MCF2L: variants seen among roughly 807,000 people sequenced by gnomAD.
MCF2L encodes MCF.2 cell line derived transforming sequence like, also known as guanine nucleotide exchange factor DBS.
In MCF2L, 97 loss-of-function variants were observed where a neutral mutation model predicts 153.4. That is an observed-to-expected ratio of 0.63 (90% CI 0.54 to 0.75). The LOEUF is 0.75. MCF2L is among the 30% of genes least tolerant of loss of function. The probability of loss-of-function intolerance (pLI) is 0.00; values close to 1 mark genes in which losing one functional copy is unlikely to be tolerated. For missense variants in MCF2L, 1,347 were observed against 1,495.2 expected (o/e 0.90, Z 1.64); for synonymous variants, 659 against 632.2 (o/e 1.04, Z -0.64).
Position 112,935,960 on chromosome 13 carries a change from C to G in MCF2L, c.169+33589C>G, listed in dbSNP as rs116999411. Reference sequence around the variant, plus strand: ...GCAGAAGCTGGGAGAGGCCTGGAACCGATCCTTCCCTCGCAGCCTCAGAAG... The same window carrying G: ...GCAGAAGCTGGGAGAGGCCTGGAACGGATCCTTCCCTCGCAGCCTCAGAAG... On this transcript the variant is annotated intron_variant, in intron 2 of 29. Transcript: ENST00000375608. 3.0e-4 allele frequency among the ~76,000 whole-genome samples: 45 copies of G among 152,246 alleles called. No individual in the cohort carries two copies. The East Asian group carries it at 8.7e-3, about 29-fold the overall frequency.
At chr13:112,946,976 C>T (rs562623091) in intron 2 of MCF2L, among the ~76,000 whole-genome samples, 17 of 152,288 alleles carry the variant, frequency 1.1e-4, no homozygotes, top group Middle Eastern at 3.4e-3. Context: ...TTCTTTTGGT[C>T]TCGTGCGTCC....
rs75183371 is a variant in MCF2L at position 112,896,203 on chromosome 13, C to T, written c.-5+1772C>T. 4.1e-4 allele frequency among the ~76,000 whole-genome samples: 62 copies of T among 152,306 alleles called. 2 individuals are homozygous for T. In the East Asian group the frequency reaches 0.01, roughly 26 times the overall value. Reference sequence around the variant, plus strand: ...ATCATCCTCACCAAGGTGATGGATTCGCTGCAAGATGAAAGGTCTGTGTGC... The same window carrying T: ...ATCATCCTCACCAAGGTGATGGATTTGCTGCAAGATGAAAGGTCTGTGTGC... On this transcript the variant is annotated intron_variant, in intron 1 of 29. Transcript: ENST00000375608.
At chr13:112,995,057 G>T (rs1330906804) in intron 1 of MCF2L, among the ~76,000 whole-genome samples, 1 of 152,194 alleles carries the variant, frequency 6.6e-6, no homozygotes, top group East Asian at 1.9e-4. Context: ...ACACGGTGTC[G>T]CATCCTCTGA....
At chr13:112,926,942 T>C (rs2081413702) in intron 2 of MCF2L, among the ~76,000 whole-genome samples, 1 of 152,246 alleles carries the variant, frequency 6.6e-6, no homozygotes, top group African/African-American at 2.4e-5. Flanking sequence ...AGACATGTGC[T>C]AATTAGCTCG....
At chr13:112,935,616 G>A (rs1006902322) in intron 2 of MCF2L, among the ~76,000 whole-genome samples, 14 of 152,200 alleles carry the variant, frequency 9.2e-5, no homozygotes, top group South Asian at 2.1e-4. Flanking sequence ...GTAGCCTCAC[G>A]TGAGTGTTCT....
chr13:112,986,176 C>A (rs558894730), intron 1 of MCF2L, among the ~76,000 whole-genome samples: 2 of 150,186 alleles, frequency 1.3e-5, no homozygotes, highest in African/African-American at 5.1e-5. Flanking sequence ...GACCTGCGGT[C>A]GGGGTCTGAT....
intron 3 of MCF2L, among the ~76,000 whole-genome samples, chr13:113,030,548 G>A (rs903216941): frequency 2.7e-5 from 4 of 146,170 alleles, no homozygotes; most frequent in Non-Finnish European, 6.0e-5. Flanking sequence ...GGTGTCCACC[G>A]ACGCAGATGT....
intron 16 of MCF2L, 92 bp from the exon 17 acceptor site, chr13:113,082,335 C>A: frequency 1.3e-6 from 1 of 752,072 alleles, no homozygotes; most frequent in East Asian, 2.6e-5. Flanking sequence ...AAGGGCTGGC[C>A]TGGCCCACAG....
chr13:113,002,504 G>A (rs949565588), intron 1 of MCF2L, among the ~76,000 whole-genome samples: 1 of 152,374 alleles, frequency 6.6e-6, no homozygotes, highest in East Asian at 1.9e-4. Context: ...TAGGTAAGCA[G>A]GACTTGGGAG....
At chr13:112,895,340 G>A (rs1347527863) in intron 1 of MCF2L, among the ~76,000 whole-genome samples, 1 of 152,182 alleles carries the variant, frequency 6.6e-6, no homozygotes, top group Non-Finnish European at 1.5e-5. Flanking sequence ...GGATGTGCCG[G>A]CATGGCTGTA....
chr13:112,903,668 C>T (rs756153364), intron 2 of MCF2L, among the ~76,000 whole-genome samples: 3 of 152,126 alleles, frequency 2.0e-5, no homozygotes, highest in Non-Finnish European at 4.4e-5. Context: ...CTTAGTTCTG[C>T]GGGATTAAGA....
chr13:113,025,845 A>G (rs1312710602), intron 3 of MCF2L, among the ~76,000 whole-genome samples: 8 of 105,604 alleles, frequency 7.6e-5, no homozygotes, highest in Middle Eastern at 7.9e-3. Context: ...GTGAGGTTTC[A>G]TCATGGTGGG....
intron 23 of MCF2L, 55 bp downstream of exon 23, chr13:113,087,854 A>C: frequency 3.7e-5 from 53 of 1,441,530 alleles, no homozygotes; most frequent in Non-Finnish European, 4.9e-5. Flanking sequence ...ATGGTTTCTC[A>C]TGGGAACCAG....
At chr13:113,081,386 T>G (rs918031806) in intron 16 of MCF2L, 107 bp downstream of exon 16, 1 of 1,134,132 alleles carries the variant, frequency 8.8e-7, no homozygotes, top group African/African-American at 1.5e-5. Context: ...GTCCACCAAA[T>G]GCATGTGAGA....
At chr13:113,063,980 C>T (rs1160122224) in intron 5 of MCF2L, 2 of 411,854 alleles carry the variant, frequency 4.9e-6, no homozygotes, top group African/African-American at 2.0e-5. Context: ...GTCTTGCTCC[C>T]CGTGACACGT....
intron 2 of MCF2L, among the ~76,000 whole-genome samples, chr13:112,953,320 GT>G (rs1411158986): frequency 2.0e-5 from 3 of 152,186 alleles, no homozygotes; most frequent in Non-Finnish European, 2.9e-5. Flanking sequence ...GGTGGGTGGG[GT>G]TGCCTGGCCC....
At chr13:112,954,527 G>A (rs2081734036) in intron 2 of MCF2L, among the ~76,000 whole-genome samples, 1 of 152,224 alleles carries the variant, frequency 6.6e-6, no homozygotes, top group Non-Finnish European at 1.5e-5. Context: ...TTCATAGGGT[G>A]AAACCAGAGG....
rs1410379311 is a variant in MCF2L at position 113,028,600 on chromosome 13, G to A, written c.278+3842G>A. Among the ~76,000 whole-genome samples the A allele has an allele frequency of 6.6e-6, 1 of 152,208 alleles. No homozygotes were observed. Among genetic ancestry groups the A allele is most frequent in the Non-Finnish European group, 1.5e-5 (1 of 68,038 alleles). On this transcript the variant is annotated intron_variant, in intron 3 of 29. Coordinates refer to ENST00000535094, the MANE Select transcript of MCF2L (RefSeq NM_001112732.3). The surrounding 1 kb of genome is among the most constrained non-coding windows in gnomAD (Gnocchi z 5.4). ...CCAGGTTGCTCAGAGGCAGCTCCAT[G>A]GATCCCCACTGTTCACCTGTGTATG... is the stretch of plus-strand genomic sequence containing the variant.
At chr13:112,931,258 G>A (rs113484621) in intron 2 of MCF2L, among the ~76,000 whole-genome samples, 3 of 152,336 alleles carry the variant, frequency 2.0e-5, no homozygotes, top group African/African-American at 7.2e-5. Context: ...GCTGACCTGC[G>A]TGACTCTGGG....
Sources: gnomAD v4.1 joint callset for allele counts (sites outside exome capture counted in the v4.1 genomes callset) on GRCh38, gnomAD v4.1.1 for gene constraint, Gnocchi (gnomAD v3.1) non-coding constraint, MANE v1.5 for transcripts, NCBI Gene and HGNC (gene_info 2026-07-23, HGNC 2026-07-21) for gene names.